CLUAP1: variants seen among roughly 807,000 people sequenced by gnomAD.
CLUAP1 encodes clusterin-associated protein 1.
CLUAP1 carries 50 observed loss-of-function variants against 55.0 expected under a neutral mutation model. The ratio of observed to expected loss-of-function variants is 0.91; its 90% CI spans 0.72 to 1.15. The LOEUF (loss-of-function observed/expected upper bound fraction) is 1.15, where lower values mean the gene tolerates loss of function less well. CLUAP1 is among the 50% of genes most tolerant of loss of function. CLUAP1 has a pLI of 0.00. For synonymous variants in CLUAP1, 195 were observed against 175.4 expected (o/e 1.11, Z -0.88); for missense variants, 530 against 507.6 (o/e 1.04, Z -0.42).
chr16:3,526,810 T>C (rs112285897), intron 9 of CLUAP1, among the ~76,000 whole-genome samples: 2,995 of 152,310 alleles, frequency 0.02, 103 homozygotes, highest in African/African-American at 0.062. Flanking sequence ...TAAGATAGTG[T>C]TTTCCCCTGT....
intron 4 of CLUAP1, 89 bp downstream of exon 4, chr16:3,508,557 T>C: frequency 8.1e-7 from 1 of 1,233,096 alleles, no homozygotes; most frequent in Non-Finnish European, 1.1e-6. Context: ...CTCCGCTGCT[T>C]TTCTTCCTCC....
intron 9 of CLUAP1, among the ~76,000 whole-genome samples, chr16:3,530,269 G>A (rs1331783571): frequency 3.3e-5 from 5 of 152,030 alleles, no homozygotes; most frequent in Non-Finnish European, 7.4e-5. Context: ...GCTTTTCGGA[G>A]ACACATTGAA....
intron 7 of CLUAP1, among the ~76,000 whole-genome samples, chr16:3,522,754 A>C (rs2037863530): frequency 6.6e-6 from 1 of 152,130 alleles, no homozygotes; most frequent in African/African-American, 2.4e-5. Context: ...GGTATATTGA[A>C]ATGAAATAAA....
At chr16:3,524,715 T>C (rs1401106536) in intron 8 of CLUAP1, among the ~76,000 whole-genome samples, 2 of 151,840 alleles carry the variant, frequency 1.3e-5, no homozygotes, top group Admixed American at 6.6e-5. Context: ...TTATTGATTG[T>C]GGGAAATAAA....
chr16:3,521,795 C>T lies in CLUAP1; in HGVS notation c.714-1363C>T, dbSNP rs998930231. Among the ~76,000 whole-genome samples the T allele has an allele frequency of 3.3e-5, 5 of 150,900 alleles. No homozygotes were observed. In the East Asian group the frequency reaches 6.0e-4, roughly 18 times the overall value. Reference sequence around the variant, plus strand: ...TTAGACTGGGCACAGTGATTCACGTCTATAATCCCAGCACTTTGAGAGGCC... The same window carrying T: ...TTAGACTGGGCACAGTGATTCACGTTTATAATCCCAGCACTTTGAGAGGCC... On this transcript the variant is annotated intron_variant, in intron 7 of 11. Coordinates refer to ENST00000576634, the MANE Select transcript of CLUAP1 (RefSeq NM_015041.3).
chr16:3,526,335 C>T, intron 8 of CLUAP1, 77 bp from the exon 9 acceptor site: 1 of 956,694 alleles, frequency 1.0e-6, no homozygotes, highest in South Asian at 2.0e-5. Context: ...CTTAGCAGTC[C>T]TTACACAGTG....
In CLUAP1 at chr16:3,506,337, G is replaced by A. The variant is rs1401089182; in HGVS notation, c.141G>A (p.Glu47=). 1 of 1,613,396 alleles carries A rather than the reference G, an allele frequency of 6.2e-7. No individual in the cohort carries two copies. The highest frequency in any genetic ancestry group is 1.1e-5 in the South Asian group (1 of 91,062). ...CTCTTACCTCTCTTGATAGATATGA[G>A]CCCCAGACTGACATCCCGCCTGACG... ...EVLLWLVKRY[E]PQTDIPPDVD... is the part of the protein sequence containing the mutation. The change falls in exon 3 of 12, where the codon GAG becomes GAA. Residue 47 remains glutamate (E), a synonymous_variant. Coordinates refer to ENST00000576634, the MANE Select transcript of CLUAP1 (RefSeq NM_015041.3).
intron 9 of CLUAP1, among the ~76,000 whole-genome samples, chr16:3,529,747 T>C (rs2038062308): frequency 2.2e-5 from 1 of 44,616 alleles, no homozygotes; most frequent in Non-Finnish European, 3.7e-5. Flanking sequence ...TTATATATTA[T>C]ATATTATATA....
rs1338274144 is a variant in CLUAP1 at position 3,530,360 on chromosome 16, T to C, written c.929-208T>C. On this transcript the variant is annotated intron_variant, in intron 9 of 11. Transcript: ENST00000576634. The stretch of plus-strand genomic sequence containing the variant: ...GTTTGAGTTGTAAGAAGAAATCTTA[T>C]TGAGCCTGAGGTACATGTATTAATT... 16 of 490,258 alleles carry C rather than the reference T, an allele frequency of 3.3e-5. No homozygotes were observed. The East Asian group carries it at 3.8e-4, about 12-fold the overall frequency. The allele number at this position is 490,258 out of a possible 1,614,324, so 30.4% of individuals were successfully genotyped here. A position where few individuals can be genotyped will look rare whatever the true frequency, so the allele number is the denominator to read the frequency against.
At chr16:3,513,675 C>T (rs2037677872) in intron 5 of CLUAP1, among the ~76,000 whole-genome samples, 1 of 152,094 alleles carries the variant, frequency 6.6e-6, no homozygotes, top group Admixed American at 6.6e-5. Context: ...GTCTCAAACT[C>T]CTGATCTCAA....
In CLUAP1 at chr16:3,508,528, T is replaced by A. The variant is rs996745280; in HGVS notation, c.399+60T>A. 15 of 1,428,410 alleles carry A rather than the reference T, an allele frequency of 1.1e-5. No homozygotes were observed. In the African/African-American group the frequency reaches 2.1e-4, roughly 20 times the overall value. The allele number at this position is 1,428,410 out of a possible 1,614,324, so 88.5% of individuals were successfully genotyped here. A position where few individuals can be genotyped will look rare whatever the true frequency, so the allele number is the denominator to read the frequency against. On this transcript the variant is annotated intron_variant, in intron 4 of 11. Transcript: ENST00000576634. Reference sequence around the variant, plus strand: ...AGCGTTGATTTCTTGAGCTCTGAAGTGGAAGGAGTCTGCTACAGCTCCGCT... The same window carrying A: ...AGCGTTGATTTCTTGAGCTCTGAAGAGGAAGGAGTCTGCTACAGCTCCGCT...
chr16:3,497,998 G>C (rs907077230), upstream of CLUAP1, among the ~76,000 whole-genome samples: 1 of 151,946 alleles, frequency 6.6e-6, no homozygotes, highest in African/African-American at 2.4e-5. Flanking sequence ...GTGATTATCC[G>C]GGCTGAGAAG....
intron 9 of CLUAP1, among the ~76,000 whole-genome samples, chr16:3,528,390 C>G (rs1310859818): frequency 6.6e-6 from 1 of 152,176 alleles, no homozygotes; most frequent in Admixed American, 6.5e-5. Context: ...CTGTGACTCT[C>G]TCGTCTGAAT....
At position 3,515,552 on chromosome 16, in the gene CLUAP1, G is replaced by A; in HGVS notation, c.540G>A (p.Glu180=). ...EAIARPLEIN[E]TEKVMRIAIK... ...TTGCCAGACCTCTGGAAATAAACGAGACTGAAAAAGTGATGAGAATTGCAA... is the reference window on the plus strand; with the variant it reads ...TTGCCAGACCTCTGGAAATAAACGAAACTGAAAAAGTGATGAGAATTGCAA... Residue 180 remains glutamate, a synonymous_variant, in exon 6 of 12, where the codon GAG becomes GAA. Transcript: ENST00000576634. 6.2e-7 allele frequency: 1 copy of A among 1,600,496 alleles called. No homozygotes were observed. Among genetic ancestry groups the A allele is most frequent in the Admixed American group, 1.8e-5 (1 of 55,238 alleles).
chr16:3,495,984 CA>C (rs1282910908), upstream of CLUAP1, among the ~76,000 whole-genome samples: 1 of 151,916 alleles, frequency 6.6e-6, no homozygotes, highest in Non-Finnish European at 1.5e-5. Context: ...ACTAAAAATA[CA>C]AAAAAATTAG....
rs767964117 is a variant in CLUAP1 at position 3,530,658 on chromosome 16, TGGA to T, written c.1021_1023del (p.Glu341del). On this transcript the variant is annotated inframe_deletion, in exon 10 of 12. Coordinates refer to ENST00000576634, the MANE Select transcript of CLUAP1 (RefSeq NM_015041.3). ...CGGCTGCCCAAGCCACAGACAGCCA[TGGA>T]GATGCTCATGCAAGGTACCCCGGCG... is the stretch of plus-strand genomic sequence containing the variant. The T allele has an allele frequency of 1.2e-6, 2 of 1,613,414 alleles. No individual in the cohort carries two copies. The highest frequency in any genetic ancestry group is 2.2e-5 in the South Asian group (2 of 91,074).
At chr16:3,507,523 G>A (rs1392342897) in intron 3 of CLUAP1, among the ~76,000 whole-genome samples, 2 of 150,372 alleles carry the variant, frequency 1.3e-5, no homozygotes, top group African/African-American at 4.9e-5. Flanking sequence ...TCATGTCATT[G>A]CACTCCAGCC....
intron 9 of CLUAP1, 189 bp from the exon 10 acceptor site, chr16:3,530,379 A>C (rs1217913476): frequency 1.8e-6 from 1 of 549,810 alleles, no homozygotes; most frequent in Non-Finnish European, 3.2e-6. Flanking sequence ...AGGTACATGT[A>C]TTAATTTTAT....
intron 6 of CLUAP1, among the ~76,000 whole-genome samples, chr16:3,519,676 C>T (rs1294447045): frequency 6.6e-6 from 1 of 152,126 alleles, no homozygotes; most frequent in Non-Finnish European, 1.5e-5. Flanking sequence ...GTAGAAATGC[C>T]TGCTTTTCAT....
Sources: allele counts gnomAD v4.1 joint callset (sites outside exome capture counted in the v4.1 genomes callset), GRCh38; gene constraint gnomAD v4.1.1; transcripts MANE v1.5; gene names NCBI Gene and HGNC (gene_info 2026-07-23, HGNC 2026-07-21).